Variants in CASZ1 observed in about 807,000 individuals in gnomAD.
CASZ1 encodes zinc finger protein castor homolog 1.
In CASZ1, 28 loss-of-function variants were observed where a neutral mutation model predicts 135.2. That is an observed-to-expected ratio of 0.21 (90% CI 0.15 to 0.28). The LOEUF is 0.28. Among genes scored for constraint, CASZ1 ranks in the 10% least tolerant of loss-of-function variants. The pLI is 1.00. For missense variants in CASZ1, 2,161 were observed against 2,453.3 expected, an observed-to-expected ratio of 0.88 and a Z score of 2.52; for synonymous variants, 1,068 against 1,073.4, an observed-to-expected ratio of 0.99 and a Z score of 0.10.
chr1:10,770,223 T>C (rs1303380707), intron 1 of CASZ1, among the ~76,000 whole-genome samples: 2 of 152,136 alleles, frequency 1.3e-5, no homozygotes, highest in African/African-American at 4.8e-5. Flanking sequence ...TAGCTGGGAC[T>C]ACAGATGTGT....
intron 20 of CASZ1, among the ~76,000 whole-genome samples, chr1:10,640,672 C>T (rs1016797276): frequency 6.6e-6 from 1 of 152,178 alleles, no homozygotes; most frequent in East Asian, 1.9e-4. Flanking sequence ...GTTTTCTACC[C>T]CAAGGGCTGG....
rs1638864261 is a variant in CASZ1, at chr1:10,694,294, C to A, written c.-23-382G>T. On this transcript the variant is annotated intron_variant, in intron 3 of 20. Transcript: ENST00000377022. This position sits in a 1 kb window ranked among gnomAD's most constrained non-coding sequence, Gnocchi z 6.6. ...GCCTCCCCCGCCCGCGCCCGGTACT[C>A]ACCATAGTCGGAGAGTCGAAAGCCG... 8.8e-7 allele frequency: 1 copy of A among 1,140,340 alleles called. No individual in the cohort carries two copies. The highest frequency in any genetic ancestry group is 1.1e-6 in the Non-Finnish European group (1 of 905,278). 70.6% of individuals were successfully genotyped at this position (1,140,340 alleles called of 1,614,324 possible).
At chr1:10,781,988 A>G (rs1271262005) in intron 1 of CASZ1, among the ~76,000 whole-genome samples, 2 of 152,228 alleles carry the variant, frequency 1.3e-5, no homozygotes, top group African/African-American at 4.8e-5. Flanking sequence ...TTTTCCAGAA[A>G]GAGTCCCCTG....
At chr1:10,648,316 AG>A in intron 15 of CASZ1, 177 bp from the exon 16 acceptor site, 4 of 535,266 alleles carry the variant, frequency 7.5e-6, no homozygotes, top group Non-Finnish European at 1.3e-5. Context: ...GGCAAACTGC[AG>A]CGTCCCCTGG....
At chr1:10,704,364 T>A (rs1308222744) in intron 3 of CASZ1, 2 of 152,304 alleles carry the variant, frequency 1.3e-5, no homozygotes, top group African/African-American at 2.4e-5. Context: ...GTAACCAGGG[T>A]GGTGCTGGCG....
chr1:10,658,352 G>T, intron 7 of CASZ1, 156 bp downstream of exon 7: 1 of 640,542 alleles, frequency 1.6e-6, no homozygotes, highest in Non-Finnish European at 2.8e-6. Context: ...GTGCAGGGCA[G>T]CCCTCGGTGC....
intron 2 of CASZ1, among the ~76,000 whole-genome samples, chr1:10,708,238 CCTT>C (rs1639215568): frequency 6.6e-6 from 1 of 152,204 alleles, no homozygotes. Flanking sequence ...CTTCTGACCT[CCTT>C]CCTCCTGTCC....
intron 3 of CASZ1, among the ~76,000 whole-genome samples, chr1:10,704,780 G>A (rs966262129): frequency 6.6e-6 from 1 of 152,230 alleles, no homozygotes; most frequent in Non-Finnish European, 1.5e-5. Context: ...GCGTTCCACC[G>A]GTCACCTCTG....
rs1246057993 is a variant in CASZ1 at position 10,788,248 on chromosome 1, C to T, written c.-234+8316G>A. Among the ~76,000 whole-genome samples, 1 of 152,206 alleles carries T rather than the reference C, an allele frequency of 6.6e-6. No homozygotes were observed. The highest frequency in any genetic ancestry group is 2.4e-5 in the African/African-American group (1 of 41,438). On this transcript the variant is annotated intron_variant, in intron 1 of 20. Transcript: ENST00000377022. The surrounding 1 kb of genome is among the most constrained non-coding windows in gnomAD (Gnocchi z 4.1). ...CTACCTGAGCAGGTGGGGTTCCTCA[C>T]AGAGCAACCTGAGTGCTAGCCCCGA...
intron 7 of CASZ1, 115 bp downstream of exon 7, chr1:10,658,393 A>G (rs1570427692): frequency 1.3e-6 from 1 of 792,052 alleles, no homozygotes; most frequent in South Asian, 1.6e-5. Flanking sequence ...TGGGGATGGG[A>G]GGAGGCAGCT....
rs1639423975 is a variant in CASZ1, at chr1:10,717,913, C to T, written c.-76-12369G>A. 6.6e-6 allele frequency among the ~76,000 whole-genome samples: 1 copy of T among 152,264 alleles called. No homozygotes were observed. Among genetic ancestry groups the T allele is most frequent in the Non-Finnish European group, 1.5e-5 (1 of 68,048 alleles). ...AGGCTGGTGGGCCTTTAAGGCTGTG[C>T]AGCCGCTGCGAGCACGCCTGGTCGC... is the stretch of plus-strand genomic sequence containing the variant. On this transcript the variant is annotated intron_variant, in intron 2 of 20. Transcript: ENST00000377022. The surrounding 1 kb of genome is among the most constrained non-coding windows in gnomAD (Gnocchi z 4.6).
intron 4 of CASZ1, among the ~76,000 whole-genome samples, chr1:10,673,669 C>T (rs560346229): frequency 1.5e-4 from 23 of 152,324 alleles, no homozygotes; most frequent in African/African-American, 3.1e-4. Context: ...AAAACCTCAG[C>T]GATTCGTGGC....
chr1:10,647,380 C>T lies in CASZ1; in HGVS notation c.3497+421G>A. ...CAGTGACGGCCTGGAGGGGCCTGGC[C>T]CCTACCCGTGACTTCACGTGCCCTG... On this transcript the variant is annotated intron_variant, in intron 16 of 20. Transcript: ENST00000377022. This position sits in a 1 kb window ranked among gnomAD's most constrained non-coding sequence, Gnocchi z 4.9. 9.3e-7 allele frequency: 1 copy of T among 1,070,152 alleles called. No homozygotes were observed. The highest frequency in any genetic ancestry group is 1.1e-6 in the Non-Finnish European group (1 of 881,894). The allele number at this position is 1,070,152 out of a possible 1,614,324, so 66.3% of individuals were successfully genotyped here.
rs1279850651 is a variant in CASZ1, at chr1:10,638,403, T to A, written c.*539A>T. 1 of 152,182 alleles carries A rather than the reference T, an allele frequency of 6.6e-6. No individual in the cohort carries two copies. The highest frequency in any genetic ancestry group is 1.5e-5 in the Non-Finnish European group (1 of 68,082). The allele number at this position is 152,182 out of a possible 1,614,324, so 9.4% of individuals were successfully genotyped here. A position where few individuals can be genotyped will look rare whatever the true frequency, so the allele number is the denominator to read the frequency against. On this transcript the variant is annotated 3_prime_UTR_variant, in exon 21 of 21. Coordinates refer to ENST00000377022, the MANE Select transcript of CASZ1 (RefSeq NM_001079843.3). This position sits in a 1 kb window ranked among gnomAD's most constrained non-coding sequence, Gnocchi z 5.9. The stretch of plus-strand genomic sequence containing the variant: ...TGGGGCTGAGCTGGAGCTCCGCGGC[T>A]GCTACTCCCGTGAGGCTTCCTCCAC...
chr1:10,657,206 T>C lies in CASZ1; in HGVS notation c.1410-470A>G, dbSNP rs1409146263. ...GAAACAGTGCAGAGCTATGAATTTTTAAAGCACAGCATCTGTTTGGCTTCC... is the reference window on the plus strand; with the variant it reads ...GAAACAGTGCAGAGCTATGAATTTTCAAAGCACAGCATCTGTTTGGCTTCC... On this transcript the variant is annotated intron_variant, in intron 7 of 20. Coordinates refer to ENST00000377022, the MANE Select transcript of CASZ1 (RefSeq NM_001079843.3). The surrounding 1 kb of genome is among the most constrained non-coding windows in gnomAD (Gnocchi z 5.7). 6.6e-6 allele frequency among the ~76,000 whole-genome samples: 1 copy of C among 152,228 alleles called. No individual in the cohort carries two copies. Among genetic ancestry groups the C allele is most frequent in the African/African-American group, 2.4e-5 (1 of 41,454 alleles).
intron 1 of CASZ1, among the ~76,000 whole-genome samples, chr1:10,775,229 G>T (rs1363574120): frequency 2.0e-5 from 3 of 152,050 alleles, no homozygotes; most frequent in African/African-American, 7.2e-5. Context: ...TAAACAAACC[G>T]GTTTGGATAA....
At chr1:10,795,165 G>A (rs892160243) in intron 1 of CASZ1, among the ~76,000 whole-genome samples, 13 of 151,862 alleles carry the variant, frequency 8.6e-5, no homozygotes, top group Non-Finnish European at 1.9e-4. Flanking sequence ...TCGGCCCCCT[G>A]CCCCGGGAGA....
chr1:10,665,531 G>C lies in CASZ1; in HGVS notation c.57C>G (p.Pro19=), dbSNP rs1277476148. 12 of 1,593,410 alleles carry C rather than the reference G, an allele frequency of 7.5e-6. No individual in the cohort carries two copies. Among genetic ancestry groups the C allele is most frequent in the Non-Finnish European group, 9.4e-6 (11 of 1,175,616 alleles). Residue 19 remains proline, a synonymous_variant, in exon 5 of 21, where the codon CCC becomes CCG. Coordinates refer to ENST00000377022, the MANE Select transcript of CASZ1 (RefSeq NM_001079843.3). ...CACCCTTGCGTTTGGGCGCCATGGC[G>C]GGCTTGCCTGCAGGCGGGTCCGTGC... is the stretch of plus-strand genomic sequence containing the variant. ...TRCTDPPAGK[P]AMAPKRKGGL...
chr1:10,653,262 G>C (rs1414185847), intron 11 of CASZ1, 115 bp downstream of exon 11: 1 of 1,086,316 alleles, frequency 9.2e-7, no homozygotes, highest in Non-Finnish European at 1.4e-6. Flanking sequence ...TGGCAAGCAG[G>C]GGCCACACGG....
Sources: allele counts gnomAD v4.1 joint callset (sites outside exome capture counted in the v4.1 genomes callset), GRCh38; gene constraint gnomAD v4.1.1; non-coding constraint Gnocchi (gnomAD v3.1); transcripts MANE v1.5; gene names NCBI Gene and HGNC (gene_info 2026-07-23, HGNC 2026-07-21).